CSNK1A1: variants seen among roughly 807,000 people sequenced by gnomAD.
The protein encoded by CSNK1A1 is casein kinase 1 alpha 1, also known as casein kinase I isoform alpha.
In CSNK1A1, 7 loss-of-function variants were observed where a neutral mutation model predicts 46.1. The observed-to-expected ratio is 0.15, with a 90% CI of 0.09 to 0.29. The LOEUF is 0.29. CSNK1A1 is among the 10% of genes least tolerant of loss of function. The pLI, the probability that CSNK1A1 is intolerant of heterozygous loss-of-function variation, is 1.00. For synonymous variants in CSNK1A1, 137 were observed against 141.5 expected, an observed-to-expected ratio of 0.97 and a Z score of 0.23; for missense variants, 96 against 417.1, an observed-to-expected ratio of 0.23 and a Z score of 6.71.
At chr5:149,535,832 G>C (rs1003842053) in intron 2 of CSNK1A1, among the ~76,000 whole-genome samples, 2 of 151,922 alleles carry the variant, frequency 1.3e-5, no homozygotes, top group Non-Finnish European at 1.5e-5. Context: ...TTTGAGTAGA[G>C]ACAGGGTTTT....
chr5:149,501,396 G>C, intron 9 of CSNK1A1: 1 of 985,450 alleles, frequency 1.0e-6, no homozygotes, highest in Non-Finnish European at 1.2e-6. Context: ...CCTGTGATGT[G>C]GGTGTGCTGC....
chr5:149,545,355 C>G, intron 2 of CSNK1A1: 1 of 411,392 alleles, frequency 2.4e-6, no homozygotes, highest in Non-Finnish European at 4.4e-6. Flanking sequence ...ATCAGTCCTT[C>G]TGTCCTCACG....
chr5:149,518,478 C>T (rs1580835408), intron 4 of CSNK1A1, among the ~76,000 whole-genome samples: 1 of 152,096 alleles, frequency 6.6e-6, no homozygotes, highest in East Asian at 1.9e-4. Context: ...AACAAGCTGA[C>T]CAAAGAATCC....
At chr5:149,515,487 C>T (rs933125581) in intron 4 of CSNK1A1, among the ~76,000 whole-genome samples, 7 of 152,170 alleles carry the variant, frequency 4.6e-5, no homozygotes, top group African/African-American at 1.7e-4. Context: ...TCTTAAACAT[C>T]TCAATCTAAA....
intron 5 of CSNK1A1, 35 bp downstream of exon 5, chr5:149,513,035 T>C: frequency 1.9e-6 from 3 of 1,609,904 alleles, no homozygotes; most frequent in African/African-American, 2.7e-5. Context: ...GCTTCTGCTA[T>C]GGCTATGATA....
At chr5:149,534,573 G>A (rs1762003619) in intron 2 of CSNK1A1, among the ~76,000 whole-genome samples, 1 of 150,814 alleles carries the variant, frequency 6.6e-6, no homozygotes, top group Non-Finnish European at 1.5e-5. Flanking sequence ...TATTGTATTA[G>A]CTTCTTAAAT....
chr5:149,503,200 T>C, intron 9 of CSNK1A1: 1 of 985,442 alleles, frequency 1.0e-6, no homozygotes, highest in Non-Finnish European at 1.2e-6. Context: ...CCTAGGAGAT[T>C]TCTTAAAGGA....
At chr5:149,510,625 T>A (rs1761190216) in intron 6 of CSNK1A1, among the ~76,000 whole-genome samples, 1 of 152,078 alleles carries the variant, frequency 6.6e-6, no homozygotes, top group South Asian at 2.1e-4. Context: ...GCTACAGGCA[T>A]GTGACACTAC....
At chr5:149,519,338 T>C (rs150345609) in intron 4 of CSNK1A1, among the ~76,000 whole-genome samples, 8 of 152,080 alleles carry the variant, frequency 5.3e-5, no homozygotes, top group Admixed American at 4.6e-4. Context: ...CAAATGGGCA[T>C]CTTCCTTCCA....
chr5:149,512,867 TCAA>T (rs1561756577), intron 5 of CSNK1A1, among the ~76,000 whole-genome samples, 200 bp downstream of exon 5: 3 of 152,124 alleles, frequency 2.0e-5, no homozygotes, highest in Non-Finnish European at 4.4e-5. Flanking sequence ...GAGACAACCT[TCAA>T]CAACAACAAA....
Position 149,550,352 on chromosome 5 carries a change from T to C in CSNK1A1, c.124-171A>G. ...AACGAGGCAACCAGCCTCAAAGGCC[T>C]CTTCAGGGGGTAGTGACGAAATCCG... On this transcript the variant is annotated intron_variant, in intron 1 of 9. Coordinates refer to ENST00000377843, the MANE Select transcript of CSNK1A1 (RefSeq NM_001892.6). The surrounding 1 kb of genome is among the most constrained non-coding windows in gnomAD (Gnocchi z 4.3). The C allele has an allele frequency of 7.1e-7, 1 of 1,417,286 alleles. No homozygotes were observed. Among genetic ancestry groups the C allele is most frequent in the South Asian group, 1.5e-5 (1 of 64,526 alleles). 87.8% of individuals were successfully genotyped at this position (1,417,286 alleles called of 1,614,324 possible).
At chr5:149,519,971 T>C (rs1157801489) in intron 4 of CSNK1A1, among the ~76,000 whole-genome samples, 1 of 152,212 alleles carries the variant, frequency 6.6e-6, no homozygotes, top group Non-Finnish European at 1.5e-5. Context: ...ATGGGGGTTT[T>C]TGCTATTTTT....
chr5:149,540,339 G>C (rs1762189665), intron 2 of CSNK1A1, among the ~76,000 whole-genome samples: 1 of 152,054 alleles, frequency 6.6e-6, no homozygotes, highest in South Asian at 2.1e-4. Flanking sequence ...AAACCGTTTT[G>C]TGTAGCACTT....
chr5:149,518,835 T>A (rs1761476930), intron 4 of CSNK1A1, among the ~76,000 whole-genome samples: 1 of 151,972 alleles, frequency 6.6e-6, no homozygotes, highest in East Asian at 1.9e-4. Context: ...ATCTAGGTCA[T>A]CATTTAAATT....
intron 9 of CSNK1A1, chr5:149,501,514 C>CT (rs1760854363): frequency 1.0e-6 from 1 of 985,422 alleles, no homozygotes; most frequent in Non-Finnish European, 1.2e-6. Context: ...TCAAGGAAGA[C>CT]TGTGGACATG....
chr5:149,534,512 G>C (rs1283351559), intron 2 of CSNK1A1, among the ~76,000 whole-genome samples: 1 of 145,030 alleles, frequency 6.9e-6, no homozygotes, highest in Non-Finnish European at 1.5e-5. Flanking sequence ...AAAAAAAGAA[G>C]GCTTCCTAAA....
At position 149,551,367 on chromosome 5, in the gene CSNK1A1, A is replaced by G; in HGVS notation, c.-403T>C. Reference sequence around the variant, plus strand: ...ACTCCGCGGACGACGCCATCTTGTTACTCCAGCTCCAGCCAACACAAAATG... The same window carrying G: ...ACTCCGCGGACGACGCCATCTTGTTGCTCCAGCTCCAGCCAACACAAAATG... On this transcript the variant is annotated 5_prime_UTR_variant, in exon 1 of 10. Transcript: ENST00000377843. 1.1e-5 allele frequency: 2 copies of G among 175,256 alleles called. No individual in the cohort carries two copies. Among genetic ancestry groups the G allele is most frequent in the Non-Finnish European group, 2.4e-5 (2 of 81,860 alleles). 10.9% of individuals were successfully genotyped at this position (175,256 alleles called of 1,614,324 possible). A position where few individuals can be genotyped will look rare whatever the true frequency, so the allele number is the denominator to read the frequency against.
At chr5:149,543,517 G>GACAC (rs935383110) in intron 2 of CSNK1A1, among the ~76,000 whole-genome samples, 23 of 151,796 alleles carry the variant, frequency 1.5e-4, no homozygotes, top group Non-Finnish European at 3.2e-4. Flanking sequence ...GCTAAGCATG[G>GACAC]ACACTGTAAT....
intron 2 of CSNK1A1, chr5:149,545,695 T>C: frequency 1.3e-6 from 1 of 762,850 alleles, no homozygotes; most frequent in South Asian, 1.5e-5. Context: ...TAGGCCCTTC[T>C]TGTGCTTCTT....
Sources: allele counts gnomAD v4.1 joint callset (sites outside exome capture counted in the v4.1 genomes callset), GRCh38; gene constraint gnomAD v4.1.1; non-coding constraint Gnocchi (gnomAD v3.1); transcripts MANE v1.5; gene names NCBI Gene and HGNC (gene_info 2026-07-23, HGNC 2026-07-21).